GPCPD1: variants seen among roughly 807,000 people sequenced by gnomAD.
The protein encoded by GPCPD1 is glycerophosphocholine phosphodiesterase 1.
GPCPD1 carries 29 observed loss-of-function variants against 89.2 expected under a neutral mutation model. The observed-to-expected ratio is 0.33, with a 90% CI of 0.24 to 0.44. GPCPD1 has a LOEUF of 0.44. Among genes scored for constraint, GPCPD1 ranks in the 20% least tolerant of loss-of-function variants. The probability of loss-of-function intolerance (pLI) is 1.00; values close to 1 mark genes in which losing one functional copy is unlikely to be tolerated. For missense variants in GPCPD1, 594 were observed against 808.9 expected (o/e 0.73, Z 3.22); for synonymous variants, 258 against 266.3 (o/e 0.97, Z 0.30).
chr20:5,581,872 C>A (rs1281987969), intron 6 of GPCPD1, among the ~76,000 whole-genome samples: 15 of 116,022 alleles, frequency 1.3e-4, no homozygotes, highest in Non-Finnish European at 1.6e-5. Flanking sequence ...TGAGACCATG[C>A]ATTACAGCTC....
At chr20:5,580,227 C>A in intron 6 of GPCPD1, 96 bp from the exon 7 acceptor site, 1 of 602,504 alleles carries the variant, frequency 1.7e-6, no homozygotes, top group Non-Finnish European at 2.9e-6. Flanking sequence ...AGTTCACATT[C>A]ACTTTTTTTT....
At chr20:5,549,297 G>A in intron 19 of GPCPD1, 1 of 959,262 alleles carries the variant, frequency 1.0e-6, no homozygotes, top group Non-Finnish European at 1.7e-6. Flanking sequence ...CTTAATGTTA[G>A]AGCTAAAGGT....
chr20:5,570,547 C>T (rs1210405040), intron 11 of GPCPD1, among the ~76,000 whole-genome samples: 4 of 151,834 alleles, frequency 2.6e-5, no homozygotes, highest in South Asian at 4.2e-4. Context: ...AGAAAAGGAA[C>T]CCAACAAAAG....
rs1369504219 is a variant in GPCPD1, at chr20:5,610,973, G to C, written c.-160C>G. The C allele has an allele frequency of 6.6e-6, 1 of 151,948 alleles. No individual in the cohort carries two copies. The highest frequency in any genetic ancestry group is 2.4e-5 in the African/African-American group (1 of 41,488). 9.4% of individuals were successfully genotyped at this position (151,948 alleles called of 1,614,324 possible). On this transcript the variant is annotated 5_prime_UTR_variant, in exon 1 of 20. Coordinates refer to ENST00000379019, the MANE Select transcript of GPCPD1 (RefSeq NM_019593.5). ...CCCCCAGGCGGCCTGCCGCGGCGTCGAGCGGCAGGAAGCAGCCACGCTCAA... is the reference window on the plus strand; with the variant it reads ...CCCCCAGGCGGCCTGCCGCGGCGTCCAGCGGCAGGAAGCAGCCACGCTCAA...
chr20:5,590,805 T>TC (rs1278965567), intron 4 of GPCPD1, among the ~76,000 whole-genome samples: 5 of 152,130 alleles, frequency 3.3e-5, no homozygotes, highest in Non-Finnish European at 7.4e-5. Flanking sequence ...TCAAGGGAGA[T>TC]CGAGGTCAAA....
chr20:5,578,524 C>T lies in GPCPD1; in HGVS notation c.561G>A (p.Glu187=), dbSNP rs772267931. The change falls in exon 8 of 20, where the codon GAG becomes GAA. Residue 187 remains glutamate (E), a synonymous_variant. Transcript: ENST00000379019. ...TVLHKMSNSL[E]ISLISDNEFK... Reference sequence around the variant, plus strand: ...ACTCATTGTCGCTTATTAAGGATATCTCCAAGCTATTGGACATTTTGTGGA... The same window carrying T: ...ACTCATTGTCGCTTATTAAGGATATTTCCAAGCTATTGGACATTTTGTGGA... 1 of 1,613,464 alleles carries T rather than the reference C, an allele frequency of 6.2e-7. No individual in the cohort carries two copies. The highest frequency in any genetic ancestry group is 1.1e-5 in the South Asian group (1 of 91,078).
intron 4 of GPCPD1, 57 bp from the exon 5 acceptor site, chr20:5,586,326 T>A (rs1299828898): frequency 1.1e-5 from 10 of 928,696 alleles, no homozygotes; most frequent in Admixed American, 5.3e-5. Context: ...TTTCTACCCA[T>A]GACTCCATTA....
At position 5,560,499 on chromosome 20, in the gene GPCPD1, G is replaced by A. The variant is rs149695911; in HGVS notation, c.1396-423C>T. 2.9e-3 allele frequency among the ~76,000 whole-genome samples: 435 copies of A among 151,910 alleles called. 4 individuals are homozygous for A. The highest frequency in any genetic ancestry group is 2.8e-3 in the Non-Finnish European group (187 of 67,962). The stretch of plus-strand genomic sequence containing the variant: ...ACCAGTTTAAAAGTCTCATTCTTTG[G>A]GTCTTGGGCATATCAAGTAACCAAA... On this transcript the variant is annotated intron_variant, in intron 16 of 19. Transcript: ENST00000379019.
At chr20:5,597,199 T>C (rs981400723) in intron 3 of GPCPD1, among the ~76,000 whole-genome samples, 1 of 152,244 alleles carries the variant, frequency 6.6e-6, no homozygotes, top group Non-Finnish European at 1.5e-5. Context: ...TGAGAAAATA[T>C]GTCATACTAG....
chr20:5,585,212 T>C (rs1030821838), intron 5 of GPCPD1: 1 of 152,144 alleles, frequency 6.6e-6, no homozygotes, highest in Non-Finnish European at 1.5e-5. Context: ...TATGGGAATA[T>C]TATAATTTTA....
intron 16 of GPCPD1, 70 bp from the exon 17 acceptor site, chr20:5,560,146 T>C: frequency 3.6e-6 from 4 of 1,115,880 alleles, no homozygotes; most frequent in Non-Finnish European, 5.0e-6. Flanking sequence ...TCTGTTTTTA[T>C]TCTGGCAAGC....
chr20:5,593,409 A>T lies in GPCPD1; in HGVS notation c.149T>A (p.Met50Lys), dbSNP rs750057656. 2 of 1,559,074 alleles carry T rather than the reference A, an allele frequency of 1.3e-6. No homozygotes were observed. Among genetic ancestry groups the T allele is most frequent in the East Asian group, 4.5e-5 (2 of 44,542 alleles). ...LLPENDTGES[M>K]LWKATIVLSR... ...GAGTACAATGGTTGCTTTCCATAGC[A>T]TGCTGTGAAGAAAGAAAATTAAAAG... Residue 50 changes from methionine to lysine, a missense_variant and splice_region_variant, in exon 4 of 20, where the codon ATG (methionine) becomes AAG (lysine). Physicochemically the swap from Met to Lys is moderately conservative, Grantham distance 95. Transcript: ENST00000379019.
At chr20:5,561,435 A>T (rs1229622732) in intron 16 of GPCPD1, 30 bp downstream of exon 16, 1 of 1,252,394 alleles carries the variant, frequency 8.0e-7, no homozygotes, top group Non-Finnish European at 1.2e-6. Context: ...CATAGAGAGT[A>T]TAGAATGTGC....
chr20:5,576,225 T>G (rs1336796798), intron 8 of GPCPD1, among the ~76,000 whole-genome samples: 1 of 151,916 alleles, frequency 6.6e-6, no homozygotes, highest in Non-Finnish European at 1.5e-5. Context: ...TTGATACTAG[T>G]CTGGCTAACA....
intron 19 of GPCPD1, among the ~76,000 whole-genome samples, chr20:5,553,082 T>C (rs563298105): frequency 2.4e-4 from 36 of 152,330 alleles, no homozygotes; most frequent in African/African-American, 8.4e-4. Flanking sequence ...GCTTTTCAGA[T>C]ACTGTGTTTC....
intron 3 of GPCPD1, among the ~76,000 whole-genome samples, chr20:5,595,800 A>G (rs1301338049): frequency 1.6e-5 from 2 of 127,180 alleles, no homozygotes; most frequent in African/African-American, 6.0e-5. Context: ...CCCCAAAAAG[A>G]AAAAAAGGGG....
At chr20:5,555,469 G>A (rs974393411) in intron 19 of GPCPD1, among the ~76,000 whole-genome samples, 1 of 152,226 alleles carries the variant, frequency 6.6e-6, no homozygotes, top group African/African-American at 2.4e-5. Flanking sequence ...AACCTGGGAG[G>A]CGGAGGTTGC....
At position 5,588,781 on chromosome 20, in the gene GPCPD1, C is replaced by A. The variant is rs553084704; in HGVS notation, c.232-2512G>T. 5.4e-4 allele frequency among the ~76,000 whole-genome samples: 82 copies of A among 151,596 alleles called. 1 individual carries two copies. Among genetic ancestry groups the A allele is most frequent in the African/African-American group, 1.8e-3 (74 of 41,314 alleles). ...CGGAGGCTGCAGTGAGCTGAGATTG[C>A]GCCACTGCACTCCAGCCTGGGCGAT... On this transcript the variant is annotated intron_variant, in intron 4 of 19. Coordinates refer to ENST00000379019, the MANE Select transcript of GPCPD1 (RefSeq NM_019593.5).
At chr20:5,557,350 G>A (rs1985832371) in intron 19 of GPCPD1, among the ~76,000 whole-genome samples, 2 of 152,202 alleles carry the variant, frequency 1.3e-5, no homozygotes, top group African/African-American at 2.4e-5. Flanking sequence ...AAGATGAGCT[G>A]CTTTACTTGA....
Sources: allele counts gnomAD v4.1 joint callset (sites outside exome capture counted in the v4.1 genomes callset), GRCh38; gene constraint gnomAD v4.1.1; transcripts MANE v1.5; gene names NCBI Gene and HGNC (gene_info 2026-07-23, HGNC 2026-07-21).